The following ANKRD36C variants were observed in gnomAD, a reference collection of about 807,000 sequenced individuals.
ANKRD36C encodes ankyrin repeat domain-containing protein 36C.
A neutral mutation model predicts 276.4 loss-of-function variants in ANKRD36C; 61 were observed. The ratio of observed to expected loss-of-function variants is 0.22; its 90% CI spans 0.18 to 0.27. ANKRD36C has a LOEUF of 0.27. Among genes scored for constraint, ANKRD36C ranks in the 10% least tolerant of loss-of-function variants. ANKRD36C has a pLI of 1.00. For synonymous variants in ANKRD36C, 483 were observed against 680.1 expected (o/e 0.71, Z 4.51); for missense variants, 1,447 against 2,032.3 (o/e 0.71, Z 5.54).
chr2:95,888,704 G>C (rs558065549), intron 48 of ANKRD36C, among the ~76,000 whole-genome samples: 1 of 151,552 alleles, frequency 6.6e-6, no homozygotes, highest in Admixed American at 6.6e-5. Flanking sequence ...ACACCCCTGT[G>C]GTGTAATAAT....
At chr2:95,930,510 A>C (rs188557231) in intron 24 of ANKRD36C, among the ~76,000 whole-genome samples, 507 of 151,728 alleles carry the variant, frequency 3.3e-3, no homozygotes, top group African/African-American at 0.011. Flanking sequence ...CAACTTTCTC[A>C]CTGTCTCTTC....
At chr2:95,886,021 T>C in intron 52 of ANKRD36C, 27 bp downstream of exon 72, 2 of 1,597,364 alleles carry the variant, frequency 1.3e-6, no homozygotes, top group Non-Finnish European at 1.7e-6. Context: ...TGATCGAACA[T>C]TACATTAAAG....
Position 95,880,300 on chromosome 2 carries a change from G to A in ANKRD36C, c.3469+127C>T, listed in dbSNP as rs549098514. The A allele has an allele frequency of 5.4e-4, 585 of 1,079,178 alleles. 3 individuals are homozygous for A. The African/African-American group carries it at 8.5e-3, about 16-fold the overall frequency. 66.9% of individuals were successfully genotyped at this position (1,079,178 alleles called of 1,614,324 possible). A position where few individuals can be genotyped will look rare whatever the true frequency, so the allele number is the denominator to read the frequency against. ...TGAAAATATAAAAATGATAACAGCTGCATTATTTAGATGAAATCCTGAAAT... is the reference window on the plus strand; with the variant it reads ...TGAAAATATAAAAATGATAACAGCTACATTATTTAGATGAAATCCTGAAAT... On this transcript the variant is annotated intron_variant, in intron 58 of 66. Coordinates refer to ENST00000456556, the Ensembl canonical transcript of ANKRD36C.
At chr2:95,850,169 T>A (rs557676782), downstream of ANKRD36C, among the ~76,000 whole-genome samples, 76 of 152,422 alleles carry the variant, frequency 5.0e-4, no homozygotes, top group African/African-American at 1.7e-3. Context: ...TTCATTATCA[T>A]GGCAGTTAAG....
chr2:95,875,699 G>T (rs1386082567), intron 59 of ANKRD36C, among the ~76,000 whole-genome samples: 6 of 151,888 alleles, frequency 4.0e-5, no homozygotes, highest in Admixed American at 2.0e-4. Flanking sequence ...AATAAAATAA[G>T]AAAAGCAAAT....
Position 95,930,821 on chromosome 2 carries a change from C to CA in ANKRD36C, c.1736-1555dup, listed in dbSNP as rs554276378. ...AACTACCTCAGCAAACACAGCTTTC[C>CA]AAAAAAAAAACAAAAAACAAAAATC... is the stretch of plus-strand genomic sequence containing the variant. On this transcript the variant is annotated intron_variant, in intron 24 of 66. Coordinates refer to ENST00000456556, the Ensembl canonical transcript of ANKRD36C. Among the ~76,000 whole-genome samples the CA allele has an allele frequency of 6.0e-4, 82 of 136,520 alleles. No homozygotes were observed. In the Middle Eastern group the frequency reaches 0.014, roughly 24 times the overall value. 89.6% of individuals were successfully genotyped at this position (136,520 alleles called of 152,430 possible). A position where few individuals can be genotyped will look rare whatever the true frequency, so the allele number is the denominator to read the frequency against.
At chr2:95,955,513 A>G (rs796719302) in intron 13 of ANKRD36C, among the ~76,000 whole-genome samples, 3 of 151,230 alleles carry the variant, frequency 2.0e-5, no homozygotes, top group African/African-American at 4.9e-5. Flanking sequence ...CATTTCTATC[A>G]AACTAAGAGT....
chr2:95,980,240 A>G (rs1678889671), intron 5 of ANKRD36C, among the ~76,000 whole-genome samples: 1 of 152,068 alleles, frequency 6.6e-6, no homozygotes, highest in Admixed American at 6.6e-5. Flanking sequence ...AAATTCCATG[A>G]TCAGGCTATA....
chr2:95,873,958 A>T (rs1472813921), intron 59 of ANKRD36C, among the ~76,000 whole-genome samples: 1 of 152,196 alleles, frequency 6.6e-6, no homozygotes, highest in African/African-American at 2.4e-5. Context: ...ATACCTAGGA[A>T]TCCAACTTAC....
intron 6 of ANKRD36C, among the ~76,000 whole-genome samples, chr2:95,971,682 A>G (rs2104522299): frequency 6.6e-6 from 1 of 152,216 alleles, no homozygotes; most frequent in East Asian, 1.9e-4. Flanking sequence ...AATAACTGAT[A>G]AATGATTGAT....
chr2:95,923,720 A>C (rs759378325), intron 30 of ANKRD36C, 31 bp from the exon 31 acceptor site: 1 of 1,607,636 alleles, frequency 6.2e-7, no homozygotes, highest in Non-Finnish European at 8.5e-7. Flanking sequence ...ATAATCACTC[A>C]TATGTAAATA....
chr2:95,946,175 A>AAAAAC (rs1678044149), intron 17 of ANKRD36C, among the ~76,000 whole-genome samples: 1 of 150,634 alleles, frequency 6.6e-6, no homozygotes, highest in Admixed American at 6.6e-5. Flanking sequence ...AAAAAAAAAA[A>AAAAAC]AAACAATAAA....
rs533086534 is a variant in ANKRD36C at position 95,887,896 on chromosome 2, A to G, written c.3061+29T>C. 1.8e-4 allele frequency: 280 copies of G among 1,560,188 alleles called. 1 individual carries two copies. The African/African-American group carries it at 3.5e-3, about 19-fold the overall frequency. ...AAGTACTTTTCTATCTGGACTGAAC[A>G]TGACATTAAATGTGTTTTGTGAAAT... On this transcript the variant is annotated intron_variant, in intron 50 of 66. Transcript: ENST00000456556.
At chr2:95,959,784 T>C (rs1016146681) in intron 10 of ANKRD36C, among the ~76,000 whole-genome samples, 1 of 152,204 alleles carries the variant, frequency 6.6e-6, no homozygotes, top group Non-Finnish European at 1.5e-5. Context: ...CAACAAAACA[T>C]ATATCTCTGA....
intron 24 of ANKRD36C, among the ~76,000 whole-genome samples, chr2:95,931,889 C>T (rs1003146524): frequency 1.4e-5 from 2 of 144,900 alleles, no homozygotes; most frequent in African/African-American, 4.9e-5. Flanking sequence ...AAAACCAGAG[C>T]AATATGGCTT....
At chr2:95,975,606 C>T (rs1678794007) in intron 6 of ANKRD36C, among the ~76,000 whole-genome samples, 1 of 152,168 alleles carries the variant, frequency 6.6e-6, no homozygotes, top group Non-Finnish European at 1.5e-5. Flanking sequence ...CCCTTCCTTA[C>T]ATCTTATACA....
Position 95,860,247 on chromosome 2 carries a change from G to A in ANKRD36C, c.3683-173C>T, listed in dbSNP as rs566739748. ...GGTCTGCAGGTAAGACAACACCTCTGCTATTGTTTTAGCTTAAAGTATAGT... is the reference window on the plus strand; with the variant it reads ...GGTCTGCAGGTAAGACAACACCTCTACTATTGTTTTAGCTTAAAGTATAGT... On this transcript the variant is annotated intron_variant, in intron 60 of 66. Coordinates refer to ENST00000456556, the Ensembl canonical transcript of ANKRD36C. 2.0e-5 allele frequency among the ~76,000 whole-genome samples: 3 copies of A among 151,926 alleles called. No homozygotes were observed. In the South Asian group the frequency reaches 6.2e-4, roughly 32 times the overall value.
rs556868005 is a variant in ANKRD36C, at chr2:95,911,946, T to G, written c.2653+298A>C. 4.0e-4 allele frequency among the ~76,000 whole-genome samples: 60 copies of G among 151,600 alleles called. 1 individual carries two copies. In the South Asian group the frequency reaches 0.012, roughly 31 times the overall value. On this transcript the variant is annotated intron_variant, in intron 42 of 66. Coordinates refer to ENST00000456556, the Ensembl canonical transcript of ANKRD36C. ...CCTATCTTTCTCCTTACACCCTTGATGAAAAGATGCTACAGAATTAAAGCA... is the reference window on the plus strand; with the variant it reads ...CCTATCTTTCTCCTTACACCCTTGAGGAAAAGATGCTACAGAATTAAAGCA...
At chr2:95,927,114 A>C in intron 28 of ANKRD36C, 100 bp downstream of exon 28, 1 of 1,507,332 alleles carries the variant, frequency 6.6e-7, no homozygotes, top group East Asian at 2.3e-5. Context: ...CTGAATCAGA[A>C]TGTGCAGCTT....
Sources: gnomAD v4.1 joint callset for allele counts (sites outside exome capture counted in the v4.1 genomes callset) on GRCh38, gnomAD v4.1.1 for gene constraint, MANE v1.5 for transcripts, NCBI Gene and HGNC (gene_info 2026-07-23, HGNC 2026-07-21) for gene names.